Variants in VGLL4 observed in about 807,000 individuals in gnomAD.
The protein encoded by VGLL4 is transcription cofactor vestigial-like protein 4.
In VGLL4, 7 loss-of-function variants were observed where a neutral mutation model predicts 21.0. That is an observed-to-expected ratio of 0.33 (90% CI 0.19 to 0.63). The LOEUF (loss-of-function observed/expected upper bound fraction) is 0.63, where lower values mean the gene tolerates loss of function less well. Among genes scored for constraint, VGLL4 ranks in the 20% least tolerant of loss-of-function variants. The probability of loss-of-function intolerance (pLI) is 0.78; values close to 1 mark genes in which losing one functional copy is unlikely to be tolerated. For synonymous variants in VGLL4, 222 were observed against 173.2 expected, an observed-to-expected ratio of 1.28 and a Z score of -2.21; for missense variants, 394 against 425.7, an observed-to-expected ratio of 0.93 and a Z score of 0.66.
chr3:11,708,937 A>G (rs6777430), intron 1 of VGLL4, among the ~76,000 whole-genome samples: 25,301 of 151,918 alleles, frequency 0.17, 2,813 homozygotes, highest in African/African-American at 0.31. Context: ...TGGTGATGGC[A>G]CCGGTAATCC....
intron 2 of VGLL4, among the ~76,000 whole-genome samples, chr3:11,681,385 G>T (rs1272078733): frequency 6.6e-6 from 1 of 152,188 alleles, no homozygotes; most frequent in South Asian, 2.1e-4. Context: ...TACCCAGTGT[G>T]CCTTTCTTCA....
chr3:11,637,918 C>T (rs559386551), intron 1 of VGLL4, among the ~76,000 whole-genome samples: 15 of 152,142 alleles, frequency 9.9e-5, no homozygotes, highest in Non-Finnish European at 2.1e-4. Context: ...AAAACAGTTG[C>T]CATGAGCTTC....
At chr3:11,643,018 G>C (rs981858772) in intron 1 of VGLL4, among the ~76,000 whole-genome samples, 2 of 152,222 alleles carry the variant, frequency 1.3e-5, no homozygotes, top group African/African-American at 4.8e-5. Flanking sequence ...GTGAGCTGCA[G>C]GGCGCCGTGG....
chr3:11,641,302 A>T (rs2075684790), intron 1 of VGLL4, among the ~76,000 whole-genome samples: 1 of 152,130 alleles, frequency 6.6e-6, no homozygotes. Flanking sequence ...ATGAAACTTG[A>T]CTGTGCCCTA....
chr3:11,661,906 G>A (rs970593471), intron 2 of VGLL4, among the ~76,000 whole-genome samples: 1 of 152,210 alleles, frequency 6.6e-6, no homozygotes, highest in Admixed American at 6.5e-5. Flanking sequence ...TTCAAGAAGA[G>A]TGAGGCAATC....
At chr3:11,589,715 G>A (rs1249190343) in intron 2 of VGLL4, among the ~76,000 whole-genome samples, 1 of 152,230 alleles carries the variant, frequency 6.6e-6, no homozygotes, top group Non-Finnish European at 1.5e-5. Flanking sequence ...TCGGACGCCA[G>A]CATGGTTGGT....
At chr3:11,659,795 T>C (rs1219326048) in intron 2 of VGLL4, among the ~76,000 whole-genome samples, 12 of 152,230 alleles carry the variant, frequency 7.9e-5, no homozygotes, top group African/African-American at 9.6e-5. Context: ...CCATTGATTA[T>C]TGCATGAGCA....
At chr3:11,564,726 C>T (rs757581869) in intron 3 of VGLL4, 71 bp downstream of exon 3, 39 of 1,512,542 alleles carry the variant, frequency 2.6e-5, no homozygotes, top group Admixed American at 2.0e-4. Context: ...GTCCTCTGCT[C>T]GGGGCTCTCC....
chr3:11,630,703 C>G (rs1326376343), intron 1 of VGLL4, among the ~76,000 whole-genome samples: 2 of 152,132 alleles, frequency 1.3e-5, no homozygotes, highest in Non-Finnish European at 2.9e-5. Context: ...TGCTTATACA[C>G]TGCTGGTAGA....
At chr3:11,613,566 C>T (rs1575453920) in intron 1 of VGLL4, among the ~76,000 whole-genome samples, 2 of 152,262 alleles carry the variant, frequency 1.3e-5, no homozygotes, top group Middle Eastern at 6.8e-3. Context: ...TTCTGGGAGG[C>T]ACGGAGCAGC....
intron 2 of VGLL4, chr3:11,582,270 G>T (rs1370309531): frequency 6.2e-7 from 1 of 1,605,876 alleles, no homozygotes; most frequent in Non-Finnish European, 8.5e-7. Context: ...AAAATGAAAG[G>T]GTTCTTGGTA....
At chr3:11,628,336 C>T (rs1337390921) in intron 1 of VGLL4, among the ~76,000 whole-genome samples, 3 of 149,968 alleles carry the variant, frequency 2.0e-5, no homozygotes, top group Non-Finnish European at 4.4e-5. Context: ...TGCGGTAAAC[C>T]GAGATCGTGC....
In VGLL4 at chr3:11,643,449, G is replaced by A; in HGVS notation, c.70C>T (p.Leu24=). 4 of 1,614,022 alleles carry A rather than the reference G, an allele frequency of 2.5e-6. No individual in the cohort carries two copies. The highest frequency in any genetic ancestry group is 3.4e-6 in the Non-Finnish European group (4 of 1,179,900). ...ACGGGACATCTACCTTCGTAGCACA[G>A]AATGCCGATATTGTTGTTCATCTTG... ...LDKMNNNIGI[L]CYEGEAALRG... Residue 24 remains leucine (L), a synonymous_variant, in exon 1 of 5, where the codon CTG becomes TTG. Transcript: ENST00000430365.
intron 2 of VGLL4, among the ~76,000 whole-genome samples, chr3:11,689,432 T>C (rs1050789986): frequency 3.9e-5 from 6 of 152,234 alleles, no homozygotes; most frequent in Non-Finnish European, 8.8e-5. Context: ...GCCAACCTAG[T>C]TAACCTTTTA....
Position 11,658,155 on chromosome 3 carries a change from G to T in VGLL4, c.64+44816C>A, listed in dbSNP as rs192705938. 2.4e-3 allele frequency among the ~76,000 whole-genome samples: 369 copies of T among 152,192 alleles called. 1 individual carries two copies. Among genetic ancestry groups the T allele is most frequent in the African/African-American group, 8.4e-3 (349 of 41,520 alleles). On this transcript the variant is annotated intron_variant, in intron 2 of 5. Transcript: ENST00000273038. ...TGGCCACGTTGCCCAGGCTGGACTG[G>T]AACTCCTGGGCTCAAGCGACCCACC...
intron 2 of VGLL4, among the ~76,000 whole-genome samples, chr3:11,660,942 T>C (rs1411981089): frequency 6.6e-6 from 1 of 152,190 alleles, no homozygotes; most frequent in Non-Finnish European, 1.5e-5. Context: ...AAAGATTGAA[T>C]ACCAAACAGC....
At chr3:11,562,118 G>A (rs1454335149) in intron 3 of VGLL4, among the ~76,000 whole-genome samples, 2 of 151,902 alleles carry the variant, frequency 1.3e-5, no homozygotes, top group Non-Finnish European at 2.9e-5. Flanking sequence ...GGCTGGTCTC[G>A]AAATCCTGGC....
intron 2 of VGLL4, among the ~76,000 whole-genome samples, chr3:11,590,057 A>G (rs2074449565): frequency 1.3e-5 from 2 of 152,222 alleles, no homozygotes; most frequent in Non-Finnish European, 2.9e-5. Flanking sequence ...AAAGGTGCTA[A>G]CATGCAGGAG....
chr3:11,706,895 G>T (rs2076768081), intron 1 of VGLL4, among the ~76,000 whole-genome samples: 1 of 152,190 alleles, frequency 6.6e-6, no homozygotes, highest in African/African-American at 2.4e-5. Context: ...TGAGCCTGAT[G>T]CGGGTGGCCT....
Sources: gnomAD v4.1 joint callset for allele counts (sites outside exome capture counted in the v4.1 genomes callset) on GRCh38, gnomAD v4.1.1 for gene constraint, MANE v1.5 for transcripts, NCBI Gene and HGNC (gene_info 2026-07-23, HGNC 2026-07-21) for gene names.